The following AKAP6 variants were observed in gnomAD, a reference collection of about 807,000 sequenced individuals.
The protein encoded by AKAP6 is A-kinase anchoring protein 6.
Under a neutral mutation model 188.5 loss-of-function variants are expected in AKAP6, and 58 were observed. That is an observed-to-expected ratio of 0.31 (90% confidence interval 0.25 to 0.38). AKAP6 has a LOEUF of 0.38. Ranked by LOEUF, AKAP6 falls within the 10% of genes least tolerant of loss-of-function variation. The pLI is 1.00. For synonymous variants in AKAP6, 989 were observed against 998.6 expected, an observed-to-expected ratio of 0.99 and a Z score of 0.18; for missense variants, 2,710 against 2,740.0, an observed-to-expected ratio of 0.99 and a Z score of 0.24.
intron 12 of AKAP6, among the ~76,000 whole-genome samples, chr14:32,801,764 T>C (rs970682049): frequency 4.6e-5 from 7 of 152,322 alleles, no homozygotes; most frequent in African/African-American, 1.7e-4. Flanking sequence ...GAAGGAGAAT[T>C]TGTGGATTTG....
chr14:32,667,529 G>T (rs1888997139), intron 7 of AKAP6, among the ~76,000 whole-genome samples: 1 of 151,940 alleles, frequency 6.6e-6, no homozygotes, highest in Non-Finnish European at 1.5e-5. Flanking sequence ...ACTAAAGAAA[G>T]AAGTAAATAT....
chr14:32,421,932 G>T (rs1889863049), intron 1 of AKAP6, among the ~76,000 whole-genome samples: 1 of 152,138 alleles, frequency 6.6e-6, no homozygotes, highest in African/African-American at 2.4e-5. Flanking sequence ...CAGAATGTCT[G>T]CATTAATTGA....
At chr14:32,466,846 T>TATATATATATATATATA (rs879653303) in intron 2 of AKAP6, among the ~76,000 whole-genome samples, 28 of 142,602 alleles carry the variant, frequency 2.0e-4, no homozygotes, top group African/African-American at 7.5e-4. Context: ...TATATATATA[T>TATATATATATATATATA]TTTCTTTCTT....
intron 4 of AKAP6, among the ~76,000 whole-genome samples, chr14:32,570,124 C>T (rs1012026435): frequency 2.7e-5 from 2 of 74,846 alleles, no homozygotes; most frequent in African/African-American, 5.2e-5. Context: ...TGTGTGGGAA[C>T]TTTTTTTTTT....
At chr14:32,616,119 T>G (rs913444488) in intron 7 of AKAP6, among the ~76,000 whole-genome samples, 2 of 152,168 alleles carry the variant, frequency 1.3e-5, no homozygotes, top group African/African-American at 4.8e-5. Context: ...TTAGCAAGAT[T>G]GCAGATAAAA....
chr14:32,553,535 T>C (rs767913280), intron 4 of AKAP6, among the ~76,000 whole-genome samples: 4 of 152,212 alleles, frequency 2.6e-5, no homozygotes, highest in Admixed American at 2.0e-4. Context: ...TTTTAAATCA[T>C]AGACATTTAA....
Position 32,459,358 on chromosome 14 carries a change from A to C in AKAP6, c.324+25541A>C, listed in dbSNP as rs1891247813. Among the ~76,000 whole-genome samples the C allele has an allele frequency of 2.0e-5, 3 of 152,020 alleles. No individual in the cohort carries two copies. The South Asian group carries it at 6.2e-4, about 32-fold the overall frequency. On this transcript the variant is annotated intron_variant, in intron 2 of 13. Transcript: ENST00000280979. ...GCCAAACTATACTTATAAATGATGA[A>C]CTCTATTGTATGTTTACTACAATTC...
intron 5 of AKAP6, among the ~76,000 whole-genome samples, chr14:32,579,826 T>C (rs936883976): frequency 6.6e-6 from 1 of 152,158 alleles, no homozygotes; most frequent in Non-Finnish European, 1.5e-5. Context: ...AGATTTGTAT[T>C]CTTTAGTTAA....
chr14:32,756,391 C>T (rs1049333576), intron 11 of AKAP6, among the ~76,000 whole-genome samples: 1 of 151,992 alleles, frequency 6.6e-6, no homozygotes, highest in African/African-American at 2.4e-5. Flanking sequence ...CTAGGGTGAG[C>T]CTGGATCCTG....
At chr14:32,335,249 G>C (rs1224918086) in intron 1 of AKAP6, among the ~76,000 whole-genome samples, 2 of 152,174 alleles carry the variant, frequency 1.3e-5, no homozygotes, top group African/African-American at 4.8e-5. Flanking sequence ...CCTGCACTGA[G>C]AAGGGCCCAC....
chr14:32,794,739 G>A (rs917625679), intron 12 of AKAP6, among the ~76,000 whole-genome samples: 3 of 152,072 alleles, frequency 2.0e-5, no homozygotes, highest in Non-Finnish European at 4.4e-5. Flanking sequence ...AGAAACTAGA[G>A]AACGAAGAAC....
At chr14:32,382,599 T>G (rs750104451) in intron 1 of AKAP6, among the ~76,000 whole-genome samples, 48 of 152,186 alleles carry the variant, frequency 3.2e-4, no homozygotes, top group Middle Eastern at 3.2e-3. Context: ...TTGTGCCCAG[T>G]GACATGATGT....
intron 12 of AKAP6, among the ~76,000 whole-genome samples, chr14:32,800,206 A>G (rs932642840): frequency 2.0e-5 from 3 of 148,060 alleles, no homozygotes; most frequent in Non-Finnish European, 4.5e-5. Flanking sequence ...ATACATATAT[A>G]TACACACATC....
At chr14:32,724,166 T>G (rs1331394579) in intron 9 of AKAP6, among the ~76,000 whole-genome samples, 1 of 152,236 alleles carries the variant, frequency 6.6e-6, no homozygotes, top group Non-Finnish European at 1.5e-5. Flanking sequence ...ATGCATATTA[T>G]ACTTTATTGA....
intron 12 of AKAP6, among the ~76,000 whole-genome samples, chr14:32,811,174 G>A (rs1183492206): frequency 6.8e-6 from 1 of 146,126 alleles, no homozygotes; most frequent in East Asian, 2.0e-4. Flanking sequence ...GGGAGGCGCA[G>A]CTTGCAGTGA....
intron 2 of AKAP6, among the ~76,000 whole-genome samples, chr14:32,475,432 G>A (rs1370199020): frequency 6.6e-6 from 1 of 152,136 alleles, no homozygotes; most frequent in African/African-American, 2.4e-5. Context: ...GTTAGTTTTT[G>A]TTGTGGGTTC....
intron 2 of AKAP6, chr14:32,474,025 G>A (rs1223859831): frequency 1.3e-5 from 2 of 152,312 alleles, no homozygotes; most frequent in African/African-American, 4.8e-5. Flanking sequence ...AGCCTCTCAA[G>A]TAGCTGGGAT....
At chr14:32,622,593 G>A (rs994450203) in intron 7 of AKAP6, among the ~76,000 whole-genome samples, 1 of 152,082 alleles carries the variant, frequency 6.6e-6, no homozygotes, top group Non-Finnish European at 1.5e-5. Context: ...CCCTCAAAGG[G>A]TTATTGAATT....
Position 32,823,527 on chromosome 14 carries a change from G to A in AKAP6, c.5714G>A (p.Arg1905Lys). ...GGCAATATTGAAGGTATTCCAGAAA[G>A]GCAAAAGGGAAAACCGAATGTGACT... ...ENGNIEGIPE[R>K]QKGKPNVTSK... The change falls in exon 13 of 14, where the codon AGG becomes AAG. Residue 1905 changes from arginine to lysine, a missense_variant. Transcript: ENST00000280979. 5 of 1,613,790 alleles carry A rather than the reference G, an allele frequency of 3.1e-6. No homozygotes were observed. Among genetic ancestry groups the A allele is most frequent in the Non-Finnish European group, 4.2e-6 (5 of 1,179,866 alleles).
Sources: allele counts gnomAD v4.1 joint callset (sites outside exome capture counted in the v4.1 genomes callset), GRCh38; gene constraint gnomAD v4.1.1; transcripts MANE v1.5; gene names NCBI Gene and HGNC (gene_info 2026-07-23, HGNC 2026-07-21).